Variants in EYS observed in about 807,000 individuals in gnomAD.
EYS encodes the protein protein eyes shut homolog.
Under a neutral mutation model 282.1 loss-of-function variants are expected in EYS, and 250 were observed. The observed-to-expected ratio is 0.89, with a 90% CI of 0.80 to 0.98. The LOEUF is 0.98. Among genes scored for constraint, EYS ranks in the 50% least tolerant of loss-of-function variants. EYS has a pLI of 0.00. For synonymous variants in EYS, 1,355 were observed against 1,282.9 expected, an observed-to-expected ratio of 1.06 and a Z score of -1.20; for missense variants, 4,016 against 3,709.0, an observed-to-expected ratio of 1.08 and a Z score of -2.15.
intron 35 of EYS, among the ~76,000 whole-genome samples, chr6:63,983,760 A>G (rs1767218963): frequency 6.6e-6 from 1 of 151,798 alleles, no homozygotes; most frequent in Non-Finnish European, 1.5e-5. Flanking sequence ...AAAATTGGGA[A>G]TATGTTTTAC....
At chr6:64,834,279 G>T (rs1019436384) in intron 19 of EYS, among the ~76,000 whole-genome samples, 3 of 151,730 alleles carry the variant, frequency 2.0e-5, no homozygotes, top group Non-Finnish European at 4.4e-5. Flanking sequence ...ATAAAATAAG[G>T]CACAATATGT....
intron 13 of EYS, among the ~76,000 whole-genome samples, chr6:65,015,640 A>G (rs1772020329): frequency 6.6e-6 from 1 of 152,250 alleles, no homozygotes; most frequent in East Asian, 1.9e-4. Flanking sequence ...GGCACATTTT[A>G]TCTGCATACA....
At position 64,886,703 on chromosome 6, in the gene EYS, A is replaced by T. The variant is rs1767096376; in HGVS notation, c.2986T>A (p.Tyr996Asn). 1 of 1,544,648 alleles carries T rather than the reference A, an allele frequency of 6.5e-7. No homozygotes were observed. The highest frequency in any genetic ancestry group is 1.2e-5 in the South Asian group (1 of 83,072). Residue 996 changes from tyrosine to asparagine, a missense_variant, in exon 19 of 43, where the codon TAT becomes AAT. Tyr to Asn is a moderately radical substitution (Grantham distance 143). Coordinates refer to ENST00000503581, the MANE Select transcript of EYS (RefSeq NM_001142800.2). Reference sequence around the variant, plus strand: ...GGGACAGATATGGATTTACCTGTATAACCAGGGGCACAGAGGCAGTTGTAT... The same window carrying T: ...GGGACAGATATGGATTTACCTGTATTACCAGGGGCACAGAGGCAGTTGTAT... The part of the protein sequence containing the change: ...DGYNCLCAPG[Y>N]TGINCEINLD...
chr6:65,448,726 A>AT lies in EYS; in HGVS notation c.862+41867dup, dbSNP rs1467261138. Among the ~76,000 whole-genome samples, 4 of 152,028 alleles carry AT rather than the reference A, an allele frequency of 2.6e-5. No homozygotes were observed. In the South Asian group the frequency reaches 8.3e-4, roughly 32 times the overall value. On this transcript the variant is annotated intron_variant, in intron 5 of 42. Transcript: ENST00000503581. Reference sequence around the variant, plus strand: ...GTAAGTTTTTGACTTCTTTGAAATAATTTTTTTCTATCTTTTTAACAATTT... The same window carrying AT: ...GTAAGTTTTTGACTTCTTTGAAATAATTTTTTTTCTATCTTTTTAACAATTT...
At chr6:64,329,966 A>T (rs911256048) in intron 29 of EYS, among the ~76,000 whole-genome samples, 3 of 152,132 alleles carry the variant, frequency 2.0e-5, no homozygotes, top group Non-Finnish European at 4.4e-5. Context: ...AGTGGGGCTT[A>T]TCACAGTATA....
chr6:65,642,684 C>T (rs1767319656), intron 1 of EYS, among the ~76,000 whole-genome samples: 2 of 152,120 alleles, frequency 1.3e-5, no homozygotes, highest in Non-Finnish European at 2.9e-5. Context: ...CTAACAAATA[C>T]TTCTATTAGT....
At chr6:64,925,266 A>G (rs1047132178) in intron 15 of EYS, among the ~76,000 whole-genome samples, 1 of 152,172 alleles carries the variant, frequency 6.6e-6, no homozygotes, top group African/African-American at 2.4e-5. Context: ...TAGTGCGGGA[A>G]AGACCAGACC....
At chr6:64,837,533 T>A (rs1392412842) in intron 19 of EYS, among the ~76,000 whole-genome samples, 1 of 149,980 alleles carries the variant, frequency 6.7e-6, no homozygotes, top group African/African-American at 2.4e-5. Flanking sequence ...AAAGAGTAAG[T>A]CAAATTGTCC....
intron 33 of EYS, among the ~76,000 whole-genome samples, chr6:64,048,906 T>C (rs1770717694): frequency 6.6e-6 from 1 of 152,140 alleles, no homozygotes; most frequent in African/African-American, 2.4e-5. Context: ...TGCCATTCTT[T>C]TCCCCCCCTA....
chr6:63,799,250 G>T (rs1313963112), intron 37 of EYS, among the ~76,000 whole-genome samples: 2 of 151,672 alleles, frequency 1.3e-5, no homozygotes, highest in Admixed American at 6.6e-5. Context: ...CTGACCTCGG[G>T]TGATCCACCC....
Position 65,261,774 on chromosome 6 carries a change from C to A in EYS, c.2023+34089G>T, listed in dbSNP as rs566151048. On this transcript the variant is annotated intron_variant, in intron 12 of 42. Coordinates refer to ENST00000503581, the MANE Select transcript of EYS (RefSeq NM_001142800.2). ...TTGGAAAATTTTAACTGTATTTTTT[C>A]TTTAATCCTTTCAATAGTTAACTTT... Among the ~76,000 whole-genome samples, 4 of 151,928 alleles carry A rather than the reference C, an allele frequency of 2.6e-5. No homozygotes were observed. The East Asian group carries it at 7.7e-4, about 29-fold the overall frequency.
chr6:64,575,923 T>C (rs1370599746), intron 26 of EYS, among the ~76,000 whole-genome samples: 1 of 152,082 alleles, frequency 6.6e-6, no homozygotes. Flanking sequence ...CATATAATCC[T>C]CAAAATGACT....
At chr6:65,420,271 A>G (rs985634599) in intron 5 of EYS, among the ~76,000 whole-genome samples, 2 of 151,958 alleles carry the variant, frequency 1.3e-5, no homozygotes, top group African/African-American at 4.8e-5. Flanking sequence ...AATTTATGTA[A>G]TATTCTAAAT....
At chr6:64,971,593 G>C (rs1168477002) in intron 14 of EYS, among the ~76,000 whole-genome samples, 5 of 152,142 alleles carry the variant, frequency 3.3e-5, no homozygotes, top group Non-Finnish European at 7.4e-5. Flanking sequence ...TAGCAAGTAA[G>C]GGACTACTTT....
At chr6:64,307,143 A>C (rs1040452384) in intron 29 of EYS, 61 bp from the exon 30 acceptor site, 70 of 899,692 alleles carry the variant, frequency 7.8e-5, no homozygotes, top group Middle Eastern at 2.2e-4. Context: ...TGAATATATT[A>C]TTCTTGCTTC....
intron 40 of EYS, among the ~76,000 whole-genome samples, chr6:63,765,374 A>ATTTAGGGAAGG (rs1321671804): frequency 7.9e-5 from 2 of 25,410 alleles, no homozygotes; most frequent in Non-Finnish European, 1.7e-4. Flanking sequence ...TTAGTGAATT[A>ATTTAGGGAAGG]CTTAGGGAAG....
chr6:65,477,911 C>A (rs1459571883), intron 5 of EYS, among the ~76,000 whole-genome samples: 1 of 152,046 alleles, frequency 6.6e-6, no homozygotes, highest in African/African-American at 2.4e-5. Flanking sequence ...TGATTTCAGA[C>A]TAAAAAATTG....
chr6:64,033,844 C>A (rs76812702), intron 33 of EYS, among the ~76,000 whole-genome samples: 3,671 of 140,424 alleles, frequency 0.026, 64 homozygotes, highest in African/African-American at 0.04. Context: ...CTCTCTCTCT[C>A]TCTATATATA....
intron 28 of EYS, among the ~76,000 whole-genome samples, chr6:64,398,485 A>T (rs1773449522): frequency 6.6e-6 from 1 of 150,814 alleles, no homozygotes; most frequent in Non-Finnish European, 1.5e-5. Context: ...TGTTCTTGAT[A>T]TGTGAATATT....
Sources: allele counts gnomAD v4.1 joint callset (sites outside exome capture counted in the v4.1 genomes callset), GRCh38; gene constraint gnomAD v4.1.1; transcripts MANE v1.5; gene names NCBI Gene and HGNC (gene_info 2026-07-23, HGNC 2026-07-21).